The following PHC3 variants were observed in gnomAD, a reference collection of about 807,000 sequenced individuals.
The protein encoded by PHC3 is polyhomeotic homolog 3, also known as polyhomeotic-like protein 3.
A neutral mutation model predicts 107.4 loss-of-function variants in PHC3; 13 were observed. That is an observed-to-expected ratio of 0.12 (90% CI 0.08 to 0.19). The LOEUF is 0.19. Ranked by LOEUF, PHC3 falls within the 10% of genes least tolerant of loss-of-function variation. The pLI is 1.00. For missense variants in PHC3, 992 were observed against 1,210.9 expected (o/e 0.82, Z 2.68); for synonymous variants, 456 against 427.4 (o/e 1.07, Z -0.83).
chr3:170,164,816 A>C (rs1409338478), intron 4 of PHC3, among the ~76,000 whole-genome samples: 3 of 152,216 alleles, frequency 2.0e-5, no homozygotes, highest in Admixed American at 2.0e-4. Flanking sequence ...AGGACCAGGA[A>C]GGGCACAGCC....
intron 6 of PHC3, among the ~76,000 whole-genome samples, chr3:170,144,778 T>C (rs1724683397): frequency 6.6e-6 from 1 of 152,216 alleles, no homozygotes; most frequent in Non-Finnish European, 1.5e-5. Flanking sequence ...CTATCCTAGT[T>C]CACTGCAGCC....
chr3:170,180,544 T>G (rs1222734250), intron 1 of PHC3, among the ~76,000 whole-genome samples: 1 of 150,130 alleles, frequency 6.7e-6, no homozygotes, highest in Non-Finnish European at 1.5e-5. Flanking sequence ...AGTAAATAAT[T>G]CATACATTTT....
intron 14 of PHC3, 114 bp downstream of exon 14, chr3:170,102,365 T>C (rs1715642231): frequency 1.4e-6 from 2 of 1,475,170 alleles, no homozygotes; most frequent in Non-Finnish European, 1.8e-6. Flanking sequence ...ATTTTATTTA[T>C]ACATATACAC....
chr3:170,116,109 T>G (rs1476927827), intron 10 of PHC3, among the ~76,000 whole-genome samples: 1 of 152,238 alleles, frequency 6.6e-6, no homozygotes, highest in Non-Finnish European at 1.5e-5. Context: ...TAGCTTCAAG[T>G]TGTAAGACCT....
chr3:170,130,996 A>T (rs1369428229), intron 7 of PHC3, among the ~76,000 whole-genome samples: 1 of 152,160 alleles, frequency 6.6e-6, no homozygotes, highest in Non-Finnish European at 1.5e-5. Context: ...CATTTGTGAC[A>T]ACTTTATAAA....
rs1223128057 is a variant in PHC3 at position 170,088,335 on chromosome 3, C to T, written c.*8895G>A. ...GCATCCAAAAAACACCAGTTTATCA[C>T]AACAATTGGTCTTTGCTAAAATTAA... is the stretch of plus-strand genomic sequence containing the variant. On this transcript the variant is annotated 3_prime_UTR_variant, in exon 15 of 15. Coordinates refer to ENST00000495893, the MANE Select transcript of PHC3 (RefSeq NM_024947.4). The T allele has an allele frequency of 1.3e-5, 2 of 152,096 alleles. No homozygotes were observed. Among genetic ancestry groups the T allele is most frequent in the African/African-American group, 4.8e-5 (2 of 41,422 alleles). The allele number at this position is 152,096 out of a possible 1,614,324, so 9.4% of individuals were successfully genotyped here.
intron 6 of PHC3, among the ~76,000 whole-genome samples, chr3:170,142,406 ATGT>A (rs1019173773): frequency 3.9e-5 from 6 of 152,142 alleles, no homozygotes; most frequent in African/African-American, 7.2e-5. Flanking sequence ...CTGCTGGCAA[ATGT>A]TGTTGCTGAA....
rs1576924825 is a variant in PHC3, at chr3:170,088,137, A to G, written c.*9093T>C. The G allele has an allele frequency of 6.6e-6, 1 of 152,190 alleles. No homozygotes were observed. The allele number at this position is 152,190 out of a possible 1,614,324, so 9.4% of individuals were successfully genotyped here. On this transcript the variant is annotated 3_prime_UTR_variant, in exon 15 of 15. Coordinates refer to ENST00000495893, the MANE Select transcript of PHC3 (RefSeq NM_024947.4). ...TATCCAATGTAAAGAATACATCTATATATAATCTTAACATGTTTTCTGTAA... is the reference window on the plus strand; with the variant it reads ...TATCCAATGTAAAGAATACATCTATGTATAATCTTAACATGTTTTCTGTAA...
chr3:170,104,055 G>A (rs2108279383), intron 12 of PHC3, among the ~76,000 whole-genome samples: 1 of 152,148 alleles, frequency 6.6e-6, no homozygotes, highest in Admixed American at 6.5e-5. Flanking sequence ...AGGTGACAGA[G>A]CCAGACCCTG....
At chr3:170,103,047 T>A in intron 12 of PHC3, 113 bp from the exon 13 acceptor site, 1 of 1,053,970 alleles carries the variant, frequency 9.5e-7, no homozygotes, top group Non-Finnish European at 1.4e-6. Flanking sequence ...AATACATCAT[T>A]AATGAATGTA....
At chr3:170,171,652 A>G (rs1205625396) in intron 3 of PHC3, among the ~76,000 whole-genome samples, 1 of 152,210 alleles carries the variant, frequency 6.6e-6, no homozygotes, top group African/African-American at 2.4e-5. Context: ...CAGGGGATCC[A>G]AAGACTAATC....
At chr3:170,167,553 A>T (rs971417990) in intron 4 of PHC3, among the ~76,000 whole-genome samples, 1 of 152,184 alleles carries the variant, frequency 6.6e-6, no homozygotes, top group Non-Finnish European at 1.5e-5. Flanking sequence ...TCAGGTCAGG[A>T]GTTCGAGACC....
rs779146351 is a variant in PHC3 at position 170,102,858 on chromosome 3, G to A, written c.2545C>T (p.Arg849Cys). ...TCAGGGCCACTTGGACGACGGCCAC[G>A]ATGCCCAAGACTTTGATTATCAGGC... Reference protein sequence around the residue: ...RKPDNQSLGHRGRRPSGPDGA... With the variant: ...RKPDNQSLGHCGRRPSGPDGA... The change falls in exon 13 of 15, where the codon CGT (arginine) becomes TGT (cysteine). Residue 849 changes from arginine to cysteine, a missense_variant. By Grantham distance (180) the Arg-to-Cys change is radical. This residue lies in a region of PHC3 where 228 missense variants were observed against 288.8 expected (regional missense o/e 0.79). Coordinates refer to ENST00000495893, the MANE Select transcript of PHC3 (RefSeq NM_024947.4). 15 of 1,613,702 alleles carry A rather than the reference G, an allele frequency of 9.3e-6. No homozygotes were observed. Among genetic ancestry groups the A allele is most frequent in the Middle Eastern group, 1.6e-4 (1 of 6,080 alleles).
intron 4 of PHC3, among the ~76,000 whole-genome samples, chr3:170,163,461 AGTGT>A (rs56986650): frequency 0.37 from 53,459 of 146,036 alleles, 9,663 homozygotes; most frequent in South Asian, 0.45. Context: ...TTTAGTAAAG[AGTGT>A]GTGTGTGTGT....
chr3:170,122,546 A>G (rs371183056), intron 9 of PHC3, 45 bp downstream of exon 9: 76 of 1,588,098 alleles, frequency 4.8e-5, no homozygotes, highest in African/African-American at 1.7e-4. Flanking sequence ...TATTATTAAC[A>G]TTTATCAAAT....
At chr3:170,147,294 T>C (rs1271599268) in intron 5 of PHC3, 1 of 152,200 alleles carries the variant, frequency 6.6e-6, no homozygotes, top group Non-Finnish European at 1.5e-5. Flanking sequence ...CAAGGGTTAT[T>C]CAGTTCCTCT....
rs1714789267 is a variant in PHC3 at position 170,097,563 on chromosome 3, T to C, written c.2834-179A>G. ...CTTGAAGAATAGAGTATTTGCATTC[T>C]GAAAATAAGAATTCAAAATCCAGGT... On this transcript the variant is annotated intron_variant, in intron 14 of 14. Coordinates refer to ENST00000495893, the MANE Select transcript of PHC3 (RefSeq NM_024947.4). This position sits in a 1 kb window ranked among gnomAD's most constrained non-coding sequence, Gnocchi z 4.1. Among the ~76,000 whole-genome samples the C allele has an allele frequency of 6.6e-6, 1 of 152,202 alleles. No individual in the cohort carries two copies. Among genetic ancestry groups the C allele is most frequent in the Non-Finnish European group, 1.5e-5 (1 of 68,028 alleles).
In PHC3 at chr3:170,144,691, G is replaced by A. The variant is rs116337907; in HGVS notation, c.672+732C>T. ...TCAGCCATTCTAGTGAGTGTATGGTGATACTCATTGTGGTTTTGATTTGCA... is the reference window on the plus strand; with the variant it reads ...TCAGCCATTCTAGTGAGTGTATGGTAATACTCATTGTGGTTTTGATTTGCA... On this transcript the variant is annotated intron_variant, in intron 6 of 14. Coordinates refer to ENST00000495893, the MANE Select transcript of PHC3 (RefSeq NM_024947.4). Among the ~76,000 whole-genome samples the A allele has an allele frequency of 2.6e-3, 394 of 152,228 alleles. 2 individuals are homozygous for A. The highest frequency in any genetic ancestry group is 8.8e-3 in the African/African-American group (366 of 41,532).
intron 12 of PHC3, among the ~76,000 whole-genome samples, chr3:170,105,440 C>T (rs925072022): frequency 5.3e-5 from 8 of 151,802 alleles, no homozygotes; most frequent in Non-Finnish European, 1.0e-4. Context: ...ATAACCTATA[C>T]GAAATAAAAT....
Sources: allele counts gnomAD v4.1 joint callset (sites outside exome capture counted in the v4.1 genomes callset), GRCh38; gene constraint gnomAD v4.1.1; regional missense constraint gnomAD v4.1.1; non-coding constraint Gnocchi (gnomAD v3.1); transcripts MANE v1.5; gene names NCBI Gene and HGNC (gene_info 2026-07-23, HGNC 2026-07-21).